The following CWC27 variants were observed in gnomAD, a reference collection of about 807,000 sequenced individuals.
CWC27 encodes the protein CWC27 spliceosome associated cyclophilin.
In CWC27, 47 loss-of-function variants were observed where a neutral mutation model predicts 63.6. That is an observed-to-expected ratio of 0.74 (90% CI 0.58 to 0.94). The LOEUF (loss-of-function observed/expected upper bound fraction) is 0.94, where lower values mean the gene tolerates loss of function less well. Among genes scored for constraint, CWC27 ranks in the 40% least tolerant of loss-of-function variants. The pLI, the probability that CWC27 is intolerant of heterozygous loss-of-function variation, is 0.00. For missense variants in CWC27, 495 were observed against 554.3 expected, an observed-to-expected ratio of 0.89 and a Z score of 1.07; for synonymous variants, 175 against 179.8, an observed-to-expected ratio of 0.97 and a Z score of 0.22.
chr5:64,991,615 A>G (rs1348913065), intron 13 of CWC27, among the ~76,000 whole-genome samples: 1 of 152,030 alleles, frequency 6.6e-6, no homozygotes, highest in Admixed American at 6.6e-5. Flanking sequence ...AATCCTAGCT[A>G]CTCAGGAAGC....
intron 11 of CWC27, among the ~76,000 whole-genome samples, chr5:64,897,780 G>A (rs1327750764): frequency 6.6e-6 from 1 of 151,980 alleles, no homozygotes; most frequent in African/African-American, 2.4e-5. Context: ...AAATCGTTAA[G>A]GCAAAATGTA....
At chr5:65,015,487 C>T (rs539866358) in intron 13 of CWC27, among the ~76,000 whole-genome samples, 4 of 152,156 alleles carry the variant, frequency 2.6e-5, no homozygotes, top group Non-Finnish European at 5.9e-5. Flanking sequence ...CACAGCCAGC[C>T]CGTAAGCACT....
chr5:64,864,928 T>C (rs772673537), intron 10 of CWC27, among the ~76,000 whole-genome samples: 2 of 152,142 alleles, frequency 1.3e-5, no homozygotes, highest in African/African-American at 2.4e-5. Context: ...AATTTTGACA[T>C]ATACAATGCA....
At chr5:64,938,894 G>C in intron 11 of CWC27, among the ~76,000 whole-genome samples, 1 of 152,080 alleles carries the variant, frequency 6.6e-6, no homozygotes, top group Middle Eastern at 3.4e-3. Context: ...CGCTTGATCG[G>C]TTCTGCTATT....
chr5:64,951,559 T>C (rs747499928), intron 11 of CWC27, among the ~76,000 whole-genome samples: 12 of 151,970 alleles, frequency 7.9e-5, no homozygotes, highest in Non-Finnish European at 1.5e-4. Flanking sequence ...AGTTTATTCA[T>C]AGATATCTGC....
intron 11 of CWC27, among the ~76,000 whole-genome samples, chr5:64,889,931 C>T (rs1000619572): frequency 7.2e-5 from 11 of 152,078 alleles, no homozygotes; most frequent in Non-Finnish European, 1.2e-4. Flanking sequence ...AGTTGGTTTC[C>T]TGTCTTGGCT....
intron 11 of CWC27, among the ~76,000 whole-genome samples, chr5:64,915,048 A>G (rs1429634174): frequency 6.6e-6 from 1 of 152,206 alleles, no homozygotes; most frequent in Non-Finnish European, 1.5e-5. Context: ...GAAAACAAAC[A>G]AAATTAAGTA....
At chr5:64,868,104 A>G (rs1746574676) in intron 10 of CWC27, among the ~76,000 whole-genome samples, 1 of 152,088 alleles carries the variant, frequency 6.6e-6, no homozygotes, top group East Asian at 1.9e-4. Flanking sequence ...ATAGCAATAC[A>G]TTGAAAATTC....
In CWC27 at chr5:64,912,089, A is replaced by G. The variant is rs1444514645; in HGVS notation, c.1042+26543A>G. 4.7e-5 allele frequency among the ~76,000 whole-genome samples: 6 copies of G among 126,960 alleles called. No individual in the cohort carries two copies. The East Asian group carries it at 1.2e-3, about 26-fold the overall frequency. 83.3% of individuals were successfully genotyped at this position (126,960 alleles called of 152,430 possible). A position where few individuals can be genotyped will look rare whatever the true frequency, so the allele number is the denominator to read the frequency against. ...ACTCTGTCTCAAAAAAAAAAAAAAA[A>G]AAGAAAGAAAGAAAGAAAGTAGACA... On this transcript the variant is annotated intron_variant, in intron 11 of 13. Coordinates refer to ENST00000381070, the MANE Select transcript of CWC27 (RefSeq NM_005869.4).
intron 10 of CWC27, among the ~76,000 whole-genome samples, chr5:64,831,214 T>C (rs2112263949): frequency 6.6e-6 from 1 of 152,126 alleles, no homozygotes; most frequent in Middle Eastern, 3.4e-3. Context: ...TTCAAAATGT[T>C]GTATGACAAT....
chr5:64,817,403 G>C (rs1329641757), intron 10 of CWC27, among the ~76,000 whole-genome samples: 1 of 151,984 alleles, frequency 6.6e-6, no homozygotes, highest in Non-Finnish European at 1.5e-5. Context: ...CATATGTTAG[G>C]ATCTACTCCT....
At chr5:64,932,837 T>G (rs1403017330) in intron 11 of CWC27, among the ~76,000 whole-genome samples, 1 of 152,224 alleles carries the variant, frequency 6.6e-6, no homozygotes, top group Non-Finnish European at 1.5e-5. Context: ...ACATCCTTTT[T>G]TGACAGTATA....
At chr5:64,883,651 A>G (rs1385460615) in intron 10 of CWC27, among the ~76,000 whole-genome samples, 1 of 152,148 alleles carries the variant, frequency 6.6e-6, no homozygotes, top group Non-Finnish European at 1.5e-5. Flanking sequence ...GAAATGAGAA[A>G]AGGCCATTGA....
intron 10 of CWC27, among the ~76,000 whole-genome samples, chr5:64,845,671 T>C (rs776469053): frequency 2.6e-5 from 4 of 152,176 alleles, no homozygotes; most frequent in Non-Finnish European, 5.9e-5. Flanking sequence ...GCATTTGATA[T>C]TATCCAGTTA....
At position 64,769,131 on chromosome 5, in the gene CWC27, C is replaced by G; in HGVS notation, c.-16C>G. 1 of 1,613,738 alleles carries G rather than the reference C, an allele frequency of 6.2e-7. No individual in the cohort carries two copies. Among genetic ancestry groups the G allele is most frequent in the Non-Finnish European group, 8.5e-7 (1 of 1,179,778 alleles). ...CTCATCCCCCGTAAGGAGCAGAGTC[C>G]TTTGTACTGACCAAGATGAGCAACA... On this transcript the variant is annotated 5_prime_UTR_variant, in exon 1 of 14. Transcript: ENST00000381070.
At chr5:64,791,676 C>G (rs948683678) in intron 7 of CWC27, among the ~76,000 whole-genome samples, 1 of 152,120 alleles carries the variant, frequency 6.6e-6, no homozygotes, top group Non-Finnish European at 1.5e-5. Flanking sequence ...CTGACTCTCA[C>G]GTCTATATCT....
chr5:64,841,742 C>T (rs1216061669), intron 10 of CWC27, among the ~76,000 whole-genome samples: 1 of 152,166 alleles, frequency 6.6e-6, no homozygotes, highest in African/African-American at 2.4e-5. Flanking sequence ...ATGGCACAAT[C>T]GCGGCTCACT....
In CWC27 at chr5:64,874,085, G is replaced by C. The variant is rs910271765; in HGVS notation, c.939-11358G>C. 1.3e-4 allele frequency among the ~76,000 whole-genome samples: 19 copies of C among 147,786 alleles called. No homozygotes were observed. The South Asian group carries it at 1.3e-3, about 10-fold the overall frequency. On this transcript the variant is annotated intron_variant, in intron 10 of 13. Coordinates refer to ENST00000381070, the MANE Select transcript of CWC27 (RefSeq NM_005869.4). ...TTTTCCTTGATATTTGTCTGACCAG[G>C]TTATTTCAAAAGATCTGTATTCAAG... is the stretch of plus-strand genomic sequence containing the variant.
At chr5:64,972,585 A>G in intron 12 of CWC27, 2 of 404,980 alleles carry the variant, frequency 4.9e-6, no homozygotes, top group Admixed American at 6.1e-5. Context: ...TATAAATAAA[A>G]CGGGCAAAGT....
Sources: allele counts gnomAD v4.1 joint callset (sites outside exome capture counted in the v4.1 genomes callset), GRCh38; gene constraint gnomAD v4.1.1; transcripts MANE v1.5; gene names NCBI Gene and HGNC (gene_info 2026-07-23, HGNC 2026-07-21).